The following CFAP221 variants were observed in gnomAD, a reference collection of about 807,000 sequenced individuals.
The protein encoded by CFAP221 is cilia and flagella associated protein 221, also known as cilia- and flagella-associated protein 221.
A neutral mutation model predicts 113.1 loss-of-function variants in CFAP221; 97 were observed. That is an observed-to-expected ratio of 0.86 (90% CI 0.73 to 1.02). The LOEUF (loss-of-function observed/expected upper bound fraction) is 1.02, where lower values mean the gene tolerates loss of function less well. Among genes scored for constraint, CFAP221 ranks in the 50% least tolerant of loss-of-function variants. CFAP221 has a pLI of 0.00. For synonymous variants in CFAP221, 331 were observed against 354.4 expected (o/e 0.93, Z 0.74); for missense variants, 1,025 against 1,013.4 (o/e 1.01, Z -0.16).
In CFAP221 at chr2:119,651,957, A is replaced by G. The variant is rs1022504725; in HGVS notation, c.2319-17A>G. The G allele has an allele frequency of 6.3e-7, 1 of 1,589,090 alleles. No homozygotes were observed. Among genetic ancestry groups the G allele is most frequent in the South Asian group, 1.1e-5 (1 of 88,064 alleles). ...GAAGGAAAAGCAGTGCCCACTAAAC[A>G]TCTTATTACTTTGCAGTGAGCTCTG... On this transcript the variant is annotated splice_polypyrimidine_tract_variant and intron_variant, in intron 22 of 23. Transcript: ENST00000413369.
intron 6 of CFAP221, among the ~76,000 whole-genome samples, chr2:119,585,700 G>A (rs138133791): frequency 2.2e-4 from 33 of 152,316 alleles, no homozygotes; most frequent in Middle Eastern, 6.8e-3. Flanking sequence ...AAAGCCACAT[G>A]TGAGTTATGT....
chr2:119,611,627 A>C, intron 12 of CFAP221, 26 bp from the exon 13 acceptor site: 1 of 1,575,768 alleles, frequency 6.3e-7, no homozygotes, highest in Non-Finnish European at 8.6e-7. Context: ...ATTCAACTTA[A>C]ATTATTTTGA....
intron 7 of CFAP221, among the ~76,000 whole-genome samples, chr2:119,592,178 C>A (rs1050054488): frequency 6.6e-6 from 1 of 151,988 alleles, no homozygotes; most frequent in Non-Finnish European, 1.5e-5. Context: ...TGCAGAGACA[C>A]GGAAAACTAC....
At chr2:119,548,472 C>T (rs1217809878) in intron 2 of CFAP221, among the ~76,000 whole-genome samples, 1 of 152,162 alleles carries the variant, frequency 6.6e-6, no homozygotes, top group Admixed American at 6.5e-5. Flanking sequence ...AAATAAAGAG[C>T]TGGGAAAATT....
intron 3 of CFAP221, among the ~76,000 whole-genome samples, chr2:119,550,215 C>T (rs568497341): frequency 7.2e-5 from 11 of 152,210 alleles, no homozygotes; most frequent in African/African-American, 2.2e-4. Context: ...TTTAGATGTA[C>T]GCATTCTTAG....
chr2:119,656,428 C>A lies in CFAP221; in HGVS notation c.2481C>A (p.Asn827Lys). 1 of 1,613,992 alleles carries A rather than the reference C, an allele frequency of 6.2e-7. No homozygotes were observed. Among genetic ancestry groups the A allele is most frequent in the African/African-American group, 1.3e-5 (1 of 74,986 alleles). The change falls in exon 24 of 24, where the codon AAC becomes AAA. Residue 827 changes from asparagine to lysine, a missense_variant. Asn to Lys is a moderately conservative substitution (Grantham distance 94). Coordinates refer to ENST00000413369, the MANE Select transcript of CFAP221 (RefSeq NM_001271049.2). The part of the protein sequence containing the change: ...AGEKLLEEMR[N>K]LRGKALNTYL... ...AGAAGCTGCTCGAGGAGATGAGGAA[C>A]CTGCGGGGCAAAGCACTCAACACAT...
intron 2 of CFAP221, among the ~76,000 whole-genome samples, chr2:119,546,488 A>G (rs148513545): frequency 3.9e-5 from 6 of 152,244 alleles, no homozygotes; most frequent in Admixed American, 1.3e-4. Context: ...TGTTGCTTCT[A>G]CTTCTTCTAA....
At chr2:119,636,923 G>A (rs1214460145) in intron 19 of CFAP221, among the ~76,000 whole-genome samples, 1 of 152,104 alleles carries the variant, frequency 6.6e-6, no homozygotes, top group African/African-American at 2.4e-5. Context: ...CCTGGCCCAA[G>A]GCAGACCAAG....
intron 11 of CFAP221, 87 bp downstream of exon 11, chr2:119,605,376 A>T: frequency 9.5e-7 from 1 of 1,055,680 alleles, no homozygotes; most frequent in Non-Finnish European, 1.4e-6. Context: ...AGTAAAATGT[A>T]ATAACCTTTT....
chr2:119,647,560 G>A (rs1687885682), intron 22 of CFAP221, among the ~76,000 whole-genome samples: 1 of 152,144 alleles, frequency 6.6e-6, no homozygotes, highest in South Asian at 2.1e-4. Flanking sequence ...CTGTGCCCTT[G>A]TCCCAGGGCA....
chr2:119,615,771 C>T (rs1382020258), intron 14 of CFAP221, 62 bp downstream of exon 14: 35 of 1,317,766 alleles, frequency 2.7e-5, no homozygotes, highest in Non-Finnish European at 3.5e-5. Context: ...GGAAATCAAG[C>T]AATGGTGGTT....
At chr2:119,580,032 C>G (rs889525048) in intron 6 of CFAP221, 1 of 152,168 alleles carries the variant, frequency 6.6e-6, no homozygotes, top group Non-Finnish European at 1.5e-5. Flanking sequence ...TGCTTAGGTT[C>G]TGAGGGTCAG....
intron 3 of CFAP221, among the ~76,000 whole-genome samples, chr2:119,550,581 C>T (rs748059652): frequency 5.9e-5 from 9 of 152,122 alleles, no homozygotes; most frequent in Non-Finnish European, 1.3e-4. Flanking sequence ...GCCTACTGTT[C>T]GTGGTTATAA....
At chr2:119,565,577 C>G (rs1681562907) in intron 6 of CFAP221, among the ~76,000 whole-genome samples, 1 of 152,150 alleles carries the variant, frequency 6.6e-6, no homozygotes, top group African/African-American at 2.4e-5. Flanking sequence ...TTGTATATAA[C>G]ACCATTCATT....
chr2:119,622,904 C>T (rs1402484400), intron 14 of CFAP221, among the ~76,000 whole-genome samples: 2 of 152,108 alleles, frequency 1.3e-5, no homozygotes, highest in East Asian at 3.9e-4. Context: ...AAACCCACAG[C>T]CAATATCATA....
rs1301676527 is a variant in CFAP221 at position 119,608,586 on chromosome 2, T to C, written c.1218T>C (p.Tyr406=). 1 of 1,609,952 alleles carries C rather than the reference T, an allele frequency of 6.2e-7. No homozygotes were observed. The highest frequency in any genetic ancestry group is 1.3e-5 in the African/African-American group (1 of 74,670). Residue 406 remains tyrosine (Y), a synonymous_variant, in exon 12 of 24, where the codon TAT becomes TAC. Transcript: ENST00000413369. ...AGTGGCAAAAAGCATGTGCCAAATATAAGGTCAGAGTTACTGCTAATTTGC... is the reference window on the plus strand; with the variant it reads ...AGTGGCAAAAAGCATGTGCCAAATACAAGGTCAGAGTTACTGCTAATTTGC... The part of the protein sequence containing the change: ...TEEWQKACAK[Y]KLDRGDPILD...
chr2:119,618,453 G>A (rs1228958046), intron 14 of CFAP221, among the ~76,000 whole-genome samples: 1 of 152,138 alleles, frequency 6.6e-6, no homozygotes, highest in Non-Finnish European at 1.5e-5. Context: ...GAAGCAGGGT[G>A]GAGCATCACC....
chr2:119,605,554 T>A (rs1684679065), intron 11 of CFAP221, among the ~76,000 whole-genome samples: 1 of 152,076 alleles, frequency 6.6e-6, no homozygotes, highest in Admixed American at 6.5e-5. Context: ...TGGCACCCCC[T>A]CACCCCCGGA....
chr2:119,587,785 T>C (rs1286621229), intron 7 of CFAP221, among the ~76,000 whole-genome samples: 1 of 152,238 alleles, frequency 6.6e-6, no homozygotes, highest in East Asian at 1.9e-4. Context: ...ATATTTAAAA[T>C]TGTTAAATTT....
Sources: gnomAD v4.1 joint callset for allele counts (sites outside exome capture counted in the v4.1 genomes callset) on GRCh38, gnomAD v4.1.1 for gene constraint, MANE v1.5 for transcripts, NCBI Gene and HGNC (gene_info 2026-07-23, HGNC 2026-07-21) for gene names.